BCOR: variants seen among roughly 807,000 people sequenced by gnomAD.
The protein encoded by BCOR is BCL-6 corepressor.
A neutral mutation model predicts 86.7 loss-of-function variants in BCOR; 10 were observed. That is an observed-to-expected ratio of 0.12 (90% CI 0.07 to 0.20). The LOEUF (loss-of-function observed/expected upper bound fraction) is 0.20, where lower values mean the gene tolerates loss of function less well. BCOR is among the 10% of genes least tolerant of loss of function. The pLI, the probability that BCOR is intolerant of heterozygous loss-of-function variation, is 1.00. For missense variants in BCOR, 1,259 were observed against 1,452.1 expected (o/e 0.87, Z 2.16); for synonymous variants, 611 against 609.0 (o/e 1.00, Z -0.05).
At position 40,073,139 on chromosome X, in the gene BCOR, T is replaced by C; in HGVS notation, c.2207A>G (p.Glu736Gly). ...CTCTGGTTTCTCCTCTTTAGTAATC[T>C]CTATGGGCGTGTGTGGTATCAACAT... ...HPMLIPHTPI[E>G]ITKEEKPERR... is the part of the protein sequence containing the mutation. The change falls in exon 4 of 15, where the codon GAG (glutamate) becomes GGG (glycine). Residue 736 changes from glutamate (E) to glycine (G), a missense_variant. Transcript: ENST00000378444. 2.5e-6 allele frequency: 3 copies of C among 1,211,876 alleles called. No individual in the cohort carries two copies. The highest frequency in any genetic ancestry group is 2.2e-6 in the Non-Finnish European group (2 of 895,549).
At position 40,113,097 on chromosome X, in the gene BCOR, A is replaced by T. The variant is rs537890962; in HGVS notation, c.-40-35128T>A. On this transcript the variant is annotated intron_variant, in intron 1 of 14. Transcript: ENST00000342274. ...CACCATCTTGGGCCTGGATTATTAT[A>T]CAGGATGATTATTCTAGCAATCTCT... Among the ~76,000 whole-genome samples the T allele has an allele frequency of 4.6e-3, 490 of 107,103 alleles. 3 individuals are homozygous for T. The highest frequency in any genetic ancestry group is 0.018 in the South Asian group (43 of 2,374). 93.0% of individuals were successfully genotyped at this position (107,103 alleles called of 115,157 possible). A position where few individuals can be genotyped will look rare whatever the true frequency, so the allele number is the denominator to read the frequency against.
At chrX:40,145,964 C>T in intron 1 of BCOR, among the ~76,000 whole-genome samples, 1 of 111,845 alleles carries the variant, frequency 8.9e-6, no homozygotes, top group Admixed American at 9.4e-5. Context: ...GTTCTCGATG[C>T]TATCGTGGGA....
At chrX:40,062,605 T>C in intron 9 of BCOR, 141 bp downstream of exon 9, 3 of 749,766 alleles carry the variant, frequency 4.0e-6, no homozygotes, top group South Asian at 2.3e-5. Context: ...CCAGAAGACA[T>C]GCTCCTCTAG....
intron 1 of BCOR, among the ~76,000 whole-genome samples, chrX:40,109,865 G>A (rs1937269740): frequency 8.9e-6 from 1 of 112,081 alleles, no homozygotes; most frequent in Non-Finnish European, 1.9e-5. Context: ...CAGAAGGAGG[G>A]GGAGAGGGGA....
chrX:40,166,411 C>T (rs773869202), intron 1 of BCOR, among the ~76,000 whole-genome samples: 9 of 112,307 alleles, frequency 8.0e-5, no homozygotes, highest in Non-Finnish European at 1.7e-4. Flanking sequence ...TTCTCATAGG[C>T]TGCTCCTTCT....
At chrX:40,069,886 G>A (rs1470983505) in intron 6 of BCOR, among the ~76,000 whole-genome samples, 2 of 112,307 alleles carry the variant, frequency 1.8e-5, no homozygotes, top group Non-Finnish European at 3.8e-5. Flanking sequence ...ATTAGCAGCA[G>A]AAACTACTTT....
intron 1 of BCOR, among the ~76,000 whole-genome samples, chrX:40,153,622 CT>C (rs1285819380): frequency 5.6e-4 from 63 of 111,780 alleles, no homozygotes; most frequent in African/African-American, 2.0e-3. Context: ...CCCCTTTCCC[CT>C]GGGCTCGCTG....
chrX:40,133,604 C>T (rs993271808), intron 1 of BCOR, among the ~76,000 whole-genome samples: 6 of 110,871 alleles, frequency 5.4e-5, no homozygotes, highest in African/African-American at 2.0e-4. Context: ...GGACTACAGG[C>T]GACGGCCACC....
intron 1 of BCOR, among the ~76,000 whole-genome samples, chrX:40,173,602 TTG>T (rs1340053478): frequency 8.9e-6 from 1 of 111,868 alleles, no homozygotes; most frequent in Non-Finnish European, 1.9e-5. Context: ...CCATAAAGGC[TTG>T]TGTGTGTGTG....
chrX:40,090,793 T>A (rs1205681432), intron 1 of BCOR, among the ~76,000 whole-genome samples: 1 of 111,597 alleles, frequency 9.0e-6, no homozygotes, highest in Admixed American at 9.4e-5. Context: ...TTTTTAACTC[T>A]TCAAATGCAA....
At chrX:40,097,055 C>G (rs189772881) in intron 1 of BCOR, among the ~76,000 whole-genome samples, 160 bp downstream of exon 1, 1,313 of 112,945 alleles carry the variant, frequency 0.012, 18 homozygotes, top group African/African-American at 0.041. Flanking sequence ...GAAATAAAAA[C>G]GAAAGCGAGC....
At position 40,073,263 on chromosome X, in the gene BCOR, G is replaced by A; in HGVS notation, c.2083C>T (p.His695Tyr). 2 of 1,211,656 alleles carry A rather than the reference G, an allele frequency of 1.7e-6. No individual in the cohort carries two copies. Among genetic ancestry groups the A allele is most frequent in the Non-Finnish European group, 1.1e-6 (1 of 895,277 alleles). ...LLPNGSLFPG[H>Y]LAPKPGLPYG... ...GGCAGCCCAGGCTTTGGGGCAAGGTGCCCAGGAAACAGACTGCCATTGGGT... is the reference window on the plus strand; with the variant it reads ...GGCAGCCCAGGCTTTGGGGCAAGGTACCCAGGAAACAGACTGCCATTGGGT... Residue 695 changes from histidine (H) to tyrosine (Y), a missense_variant, in exon 4 of 15, where the codon CAC becomes TAC. Coordinates refer to ENST00000378444, the MANE Select transcript of BCOR (RefSeq NM_001123385.2).
intron 1 of BCOR, among the ~76,000 whole-genome samples, chrX:40,158,156 C>T (rs1230614914): frequency 8.9e-6 from 1 of 112,459 alleles, no homozygotes; most frequent in East Asian, 2.8e-4. Context: ...CCAGCCGGGG[C>T]CCGTCCAGGT....
At chrX:40,087,624 T>C (rs146974195) in intron 1 of BCOR, among the ~76,000 whole-genome samples, 35 of 111,747 alleles carry the variant, frequency 3.1e-4, no homozygotes, top group African/African-American at 1.1e-3. Context: ...CAAAGCACTA[T>C]GTCTGTCTTC....
At chrX:40,125,692 T>A in intron 1 of BCOR, among the ~76,000 whole-genome samples, 1 of 112,607 alleles carries the variant, frequency 8.9e-6, no homozygotes, top group Non-Finnish European at 1.9e-5. Context: ...CTGTACTTTA[T>A]CTGAATTCCT....
At chrX:40,163,371 A>G (rs1267697912) in intron 1 of BCOR, among the ~76,000 whole-genome samples, 1 of 110,627 alleles carries the variant, frequency 9.0e-6, no homozygotes, top group Non-Finnish European at 1.9e-5. Flanking sequence ...TATATTTTCT[A>G]TTTTTCCTAA....
rs1389317576 is a variant in BCOR at position 40,052,358 on chromosome X, C to T, written c.5019G>A (p.Leu1673=). 1 of 1,211,351 alleles carries T rather than the reference C, an allele frequency of 8.3e-7. No individual in the cohort carries two copies. The highest frequency in any genetic ancestry group is 1.8e-5 in the South Asian group (1 of 56,976). Residue 1673 remains leucine (L), a synonymous_variant, in exon 15 of 15, where the codon TTG becomes TTA. Transcript: ENST00000378444. ...WLLLSDVLKK[L]KMSSRIFRCN... is the part of the protein sequence containing the mutation. ...AGCGAAATATGCGGGAGGACATTTTCAATTTCTTAAGGACATCCGAAAGCA... is the reference window on the plus strand; with the variant it reads ...AGCGAAATATGCGGGAGGACATTTTTAATTTCTTAAGGACATCCGAAAGCA...
At position 40,138,339 on chromosome X, in the gene BCOR, T is replaced by G. The variant is rs139200729; in HGVS notation, c.-41+38668A>C. Among the ~76,000 whole-genome samples, 629 of 111,797 alleles carry G rather than the reference T, an allele frequency of 5.6e-3. 6 individuals carry two copies. Among genetic ancestry groups the G allele is most frequent in the African/African-American group, 0.019 (594 of 30,800 alleles). On this transcript the variant is annotated intron_variant, in intron 1 of 14. Coordinates refer to the BCOR transcript ENST00000342274. Reference sequence around the variant, plus strand: ...GCCCCTGCTACTTATGTGCTGAGCGTAGGCAATCCTCTCAGGCGAGGGACG... The same window carrying G: ...GCCCCTGCTACTTATGTGCTGAGCGGAGGCAATCCTCTCAGGCGAGGGACG...
upstream of BCOR, among the ~76,000 whole-genome samples, chrX:40,102,384 C>T (rs1240435608): frequency 8.8e-6 from 1 of 113,271 alleles, no homozygotes; most frequent in Non-Finnish European, 1.9e-5. Context: ...GGGTGTCGAC[C>T]AAATGGGCAT....
Sources: gnomAD v4.1 joint callset for allele counts (sites outside exome capture counted in the v4.1 genomes callset) on GRCh38, gnomAD v4.1.1 for gene constraint, MANE v1.5 for transcripts, NCBI Gene and HGNC (gene_info 2026-07-23, HGNC 2026-07-21) for gene names.